LARGE1: variants seen among roughly 807,000 people sequenced by gnomAD.
LARGE1 encodes the protein xylosyl- and glucuronyltransferase LARGE1.
A neutral mutation model predicts 87.6 loss-of-function variants in LARGE1; 43 were observed. The ratio of observed to expected loss-of-function variants is 0.49; its 90% CI spans 0.38 to 0.63. The LOEUF is 0.63. LARGE1 is among the 30% of genes least tolerant of loss of function. The probability of loss-of-function intolerance (pLI) is 0.00; values close to 1 mark genes in which losing one functional copy is unlikely to be tolerated. For synonymous variants in LARGE1, 434 were observed against 394.6 expected, an observed-to-expected ratio of 1.10 and a Z score of -1.18; for missense variants, 802 against 1,000.2, an observed-to-expected ratio of 0.80 and a Z score of 2.67.
At chr22:33,580,210 C>T (rs528190183) in intron 5 of LARGE1, among the ~76,000 whole-genome samples, 9 of 151,978 alleles carry the variant, frequency 5.9e-5, no homozygotes, top group Admixed American at 1.3e-4. Flanking sequence ...ATCTCTACTA[C>T]AAATACAAAA....
the LARGE1 span, among the ~76,000 whole-genome samples, chr22:33,103,120 T>C: frequency 6.6e-6 from 1 of 151,988 alleles, no homozygotes; most frequent in African/African-American, 2.4e-5. Context: ...TTATGTGAGA[T>C]GACACATTCA....
At chr22:33,757,362 A>C (rs954688979) in intron 2 of LARGE1, among the ~76,000 whole-genome samples, 10 of 152,190 alleles carry the variant, frequency 6.6e-5, no homozygotes. Context: ...GTTCACTTAC[A>C]TCAGACGTTA....
intron 2 of LARGE1, among the ~76,000 whole-genome samples, chr22:33,680,213 G>A (rs2149298108): frequency 6.6e-6 from 1 of 152,308 alleles, no homozygotes; most frequent in East Asian, 1.9e-4. Flanking sequence ...AGAAGTAAGC[G>A]AGATGGTCCG....
chr22:33,386,977 G>T (rs2065345467), intron 7 of LARGE1, among the ~76,000 whole-genome samples: 1 of 147,954 alleles, frequency 6.8e-6, no homozygotes. Context: ...TGTGGTGTGT[G>T]CTTGTAATCC....
chr22:33,316,668 T>G (rs1936196028), intron 10 of LARGE1, among the ~76,000 whole-genome samples: 1 of 151,820 alleles, frequency 6.6e-6, no homozygotes, highest in Admixed American at 6.6e-5. Flanking sequence ...GCCCGGGACA[T>G]GGAGGCTGCA....
intron 2 of LARGE1, among the ~76,000 whole-genome samples, chr22:33,687,120 C>T (rs1020386483): frequency 6.6e-6 from 1 of 151,012 alleles, no homozygotes; most frequent in African/African-American, 2.4e-5. Context: ...CAGATCTTTG[C>T]TTGGCTTCCT....
At chr22:33,604,639 GT>G in intron 4 of LARGE1, 81 bp from the exon 5 acceptor site, 1 of 1,563,584 alleles carries the variant, frequency 6.4e-7, no homozygotes, top group East Asian at 2.3e-5. Flanking sequence ...ACTCTTCACA[GT>G]TCCTACGGTG....
At chr22:33,829,654 T>G (rs868112032) in intron 1 of LARGE1, among the ~76,000 whole-genome samples, 1 of 152,150 alleles carries the variant, frequency 6.6e-6, no homozygotes, top group African/African-American at 2.4e-5. Flanking sequence ...CTGGAAGGCA[T>G]GGGGACTACT....
At chr22:33,814,518 T>C (rs113673454) in intron 1 of LARGE1, among the ~76,000 whole-genome samples, 28 of 152,224 alleles carry the variant, frequency 1.8e-4, no homozygotes, top group Middle Eastern at 3.2e-3. Context: ...TAAAAGAGTC[T>C]ATCCTCAATT....
intron 1 of LARGE1, among the ~76,000 whole-genome samples, chr22:33,846,508 A>C (rs1288639307): frequency 6.6e-6 from 1 of 152,214 alleles, no homozygotes; most frequent in Non-Finnish European, 1.5e-5. Flanking sequence ...CACCTTGAAA[A>C]AAGAACAGGA....
At chr22:33,638,658 G>A (rs1375667411) in intron 3 of LARGE1, among the ~76,000 whole-genome samples, 1 of 152,134 alleles carries the variant, frequency 6.6e-6, no homozygotes, top group African/African-American at 2.4e-5. Context: ...ACCTCTTTCT[G>A]GCTGTGTGAC....
chr22:33,734,407 G>A (rs1601464021), intron 2 of LARGE1, among the ~76,000 whole-genome samples: 1 of 152,172 alleles, frequency 6.6e-6, no homozygotes, highest in Non-Finnish European at 1.5e-5. Flanking sequence ...GAGAATGGGA[G>A]ACCATGGGAT....
At chr22:33,542,432 C>T (rs2077239229) in intron 6 of LARGE1, among the ~76,000 whole-genome samples, 1 of 151,904 alleles carries the variant, frequency 6.6e-6, no homozygotes, top group Non-Finnish European at 1.5e-5. Context: ...CTCAGTGACT[C>T]AAGTCCCCTT....
chr22:33,232,919 G>A (rs985908381), intron 11 of LARGE1, among the ~76,000 whole-genome samples: 3 of 152,176 alleles, frequency 2.0e-5, no homozygotes, highest in Non-Finnish European at 4.4e-5. Flanking sequence ...CATGTTTCTG[G>A]GGGCAGGGAG....
the LARGE1 span, among the ~76,000 whole-genome samples, chr22:33,141,192 TCTCACACACA>T: frequency 1.5e-5 from 2 of 135,440 alleles, no homozygotes; most frequent in African/African-American, 5.9e-5. Flanking sequence ...TCTCTCTCTC[TCTCACACACA>T]CACACACACA....
At chr22:33,739,356 T>C (rs993054656) in intron 2 of LARGE1, among the ~76,000 whole-genome samples, 6 of 152,194 alleles carry the variant, frequency 3.9e-5, no homozygotes, top group Non-Finnish European at 8.8e-5. Flanking sequence ...ACATCCTCAG[T>C]TCACAGCTAA....
chr22:33,632,431 A>G (rs779170812), intron 3 of LARGE1, among the ~76,000 whole-genome samples: 14 of 151,896 alleles, frequency 9.2e-5, no homozygotes, highest in Non-Finnish European at 5.9e-5. Flanking sequence ...GTTGAGTCTG[A>G]CCTTTGTAGA....
chr22:33,869,001 T>C (rs2064193040), intron 1 of LARGE1, among the ~76,000 whole-genome samples: 1 of 152,038 alleles, frequency 6.6e-6, no homozygotes, highest in African/African-American at 2.4e-5. Context: ...AGAAGGGCCA[T>C]GAACGAGGCT....
At chr22:33,319,834 G>A (rs1399311238) in intron 10 of LARGE1, among the ~76,000 whole-genome samples, 2 of 152,060 alleles carry the variant, frequency 1.3e-5, no homozygotes, top group African/African-American at 2.4e-5. Context: ...TCAACCTCCC[G>A]AGCTCCTGCC....
Sources: gnomAD v4.1 joint callset for allele counts (sites outside exome capture counted in the v4.1 genomes callset) on GRCh38, gnomAD v4.1.1 for gene constraint, MANE v1.5 for transcripts, NCBI Gene and HGNC (gene_info 2026-07-23, HGNC 2026-07-21) for gene names.